The following CXXC4 variants were observed in gnomAD, a reference collection of about 807,000 sequenced individuals.
CXXC4 encodes CXXC-type zinc finger protein 4.
In CXXC4, 5 loss-of-function variants were observed where a neutral mutation model predicts 20.5. The ratio of observed to expected loss-of-function variants is 0.24; its 90% confidence interval spans 0.13 to 0.51. The LOEUF is 0.51. CXXC4 is among the 20% of genes least tolerant of loss of function. CXXC4 has a pLI of 0.97. For missense variants in CXXC4, 419 were observed against 496.4 expected (o/e 0.84, Z 1.48); for synonymous variants, 250 against 216.4 (o/e 1.16, Z -1.36).
chr4:104,484,557 G>A (rs1357103040), intron 2 of CXXC4, among the ~76,000 whole-genome samples: 1 of 151,922 alleles, frequency 6.6e-6, no homozygotes, highest in Non-Finnish European at 1.5e-5. Context: ...GGAAATAAAT[G>A]GGTTAAAGAT....
intron 2 of CXXC4, among the ~76,000 whole-genome samples, chr4:104,487,639 T>G (rs1294708167): frequency 6.6e-6 from 1 of 152,218 alleles, no homozygotes; most frequent in Non-Finnish European, 1.5e-5. Flanking sequence ...TAAAACAGTT[T>G]TTGTCACACA....
intron 2 of CXXC4, among the ~76,000 whole-genome samples, chr4:104,484,932 T>G (rs764118753): frequency 6.6e-6 from 1 of 151,956 alleles, no homozygotes; most frequent in Admixed American, 6.6e-5. Flanking sequence ...AAAATCACCC[T>G]TATGCCCCTC....
In CXXC4 at chr4:104,468,925, C is replaced by T. The variant is rs1367396391; in HGVS notation, c.*3397G>A. On this transcript the variant is annotated 3_prime_UTR_variant, in exon 3 of 3. Coordinates refer to ENST00000394767, the MANE Select transcript of CXXC4 (RefSeq NM_025212.4). ...AGCATTAATTGCACAACTTACATAT[C>T]AGGGTTTCTGATTGAAAGGAAGAGA... 2 of 151,948 alleles carry T rather than the reference C, an allele frequency of 1.3e-5. No homozygotes were observed. The highest frequency in any genetic ancestry group is 1.3e-4 in the Admixed American group (2 of 15,224). The allele number at this position is 151,948 out of a possible 1,614,324, so 9.4% of individuals were successfully genotyped here.
At position 104,484,145 on chromosome 4, in the gene CXXC4, T is replaced by C. The variant is rs145599438; in HGVS notation, c.1059+6599A>G. 3.9e-3 allele frequency among the ~76,000 whole-genome samples: 591 copies of C among 152,104 alleles called. 5 individuals carry two copies. Among genetic ancestry groups the C allele is most frequent in the African/African-American group, 0.014 (566 of 41,548 alleles). On this transcript the variant is annotated intron_variant, in intron 2 of 2. Coordinates refer to ENST00000394767, the MANE Select transcript of CXXC4 (RefSeq NM_025212.4). ...ACAGTTGCCTTATTCTCCATTTCCA[T>C]TGAGGTTTTAAAATTGGACTGAGAA... is the stretch of plus-strand genomic sequence containing the variant.
In CXXC4 at chr4:104,470,963, G is replaced by C. The variant is rs1006957468; in HGVS notation, c.*1359C>G. 5.9e-5 allele frequency: 9 copies of C among 151,988 alleles called. No individual in the cohort carries two copies. Among genetic ancestry groups the C allele is most frequent in the South Asian group, 2.1e-4 (1 of 4,822 alleles). The allele number at this position is 151,988 out of a possible 1,614,324, so 9.4% of individuals were successfully genotyped here. On this transcript the variant is annotated 3_prime_UTR_variant, in exon 3 of 3. Transcript: ENST00000394767. ...TTAGATCCTTTGTGTGTAGGTTGTG[G>C]GGGGAGGGGTATGTCATGCATTTAT...
At chr4:104,473,860 A>AG (rs1428870557) in intron 2 of CXXC4, among the ~76,000 whole-genome samples, 48 of 152,036 alleles carry the variant, frequency 3.2e-4, no homozygotes, top group Non-Finnish European at 6.2e-4. Flanking sequence ...CTAATAATTG[A>AG]GGTTAGCTCT....
chr4:104,476,748 A>C lies in CXXC4; in HGVS notation c.1060-4382T>G, dbSNP rs559151875. The stretch of plus-strand genomic sequence containing the variant: ...CCTAGGCCTTCAAAATTCTACTGTG[A>C]AACAAAATGGCTCTCATGATTTCCA... On this transcript the variant is annotated intron_variant, in intron 2 of 2. Coordinates refer to ENST00000394767, the MANE Select transcript of CXXC4 (RefSeq NM_025212.4). Among the ~76,000 whole-genome samples the C allele has an allele frequency of 4.6e-5, 7 of 152,302 alleles. No individual in the cohort carries two copies. The South Asian group carries it at 1.5e-3, about 32-fold the overall frequency.
At chr4:104,493,357 T>C (rs1453717158) in intron 1 of CXXC4, among the ~76,000 whole-genome samples, 2 of 152,158 alleles carry the variant, frequency 1.3e-5, no homozygotes, top group Non-Finnish European at 2.9e-5. Context: ...CATAGATTGG[T>C]CTAGAATGCA....
Position 104,483,727 on chromosome 4 carries a change from C to T in CXXC4, c.1059+7017G>A, listed in dbSNP as rs192262748. Among the ~76,000 whole-genome samples the T allele has an allele frequency of 2.8e-4, 42 of 151,906 alleles. No homozygotes were observed. In the East Asian group the frequency reaches 3.3e-3, roughly 12 times the overall value. On this transcript the variant is annotated intron_variant, in intron 2 of 2. Coordinates refer to ENST00000394767, the MANE Select transcript of CXXC4 (RefSeq NM_025212.4). The stretch of plus-strand genomic sequence containing the variant: ...CCTCACAAATTCACATTTAGAATAT[C>T]TCTGTGTCTTGGAAAAAAAAGTCAA...
intron 2 of CXXC4, among the ~76,000 whole-genome samples, chr4:104,482,427 G>A (rs1045734406): frequency 6.6e-6 from 1 of 152,124 alleles, no homozygotes; most frequent in African/African-American, 2.4e-5. Flanking sequence ...ACTAAAGGTA[G>A]AGCACACAAA....
chr4:104,486,629 T>A (rs1203349602), intron 2 of CXXC4, among the ~76,000 whole-genome samples: 1 of 152,114 alleles, frequency 6.6e-6, no homozygotes, highest in African/African-American at 2.4e-5. Flanking sequence ...AGATGAAAAA[T>A]TGAAAACTCA....
intron 2 of CXXC4, among the ~76,000 whole-genome samples, chr4:104,483,315 C>T (rs932317239): frequency 1.3e-4 from 19 of 151,874 alleles, no homozygotes; most frequent in African/African-American, 4.6e-4. Context: ...ATAATTCCAT[C>T]TTGTCAAAGT....
intron 2 of CXXC4, among the ~76,000 whole-genome samples, chr4:104,479,732 C>T (rs1051654141): frequency 2.0e-5 from 3 of 150,648 alleles, no homozygotes; most frequent in Non-Finnish European, 3.0e-5. Flanking sequence ...TCCCTCTCTC[C>T]CTCCTTCTTT....
rs1041525115 is a variant in CXXC4, at chr4:104,472,022, T to A, written c.*300A>T. The stretch of plus-strand genomic sequence containing the variant: ...TTTTACAGCAGGGGTTTACCCAAAC[T>A]TATTTTTTACAGCCACTTTCAAAAT... On this transcript the variant is annotated 3_prime_UTR_variant, in exon 3 of 3. Coordinates refer to ENST00000394767, the MANE Select transcript of CXXC4 (RefSeq NM_025212.4). 4.0e-6 allele frequency: 1 copy of A among 247,158 alleles called. No homozygotes were observed. Among genetic ancestry groups the A allele is most frequent in the African/African-American group, 2.2e-5 (1 of 44,500 alleles). The allele number at this position is 247,158 out of a possible 1,614,324, so 15.3% of individuals were successfully genotyped here.
In CXXC4 at chr4:104,471,408, T is replaced by A. The variant is rs1387340396; in HGVS notation, c.*914A>T. The A allele has an allele frequency of 6.6e-6, 1 of 152,028 alleles. No individual in the cohort carries two copies. 9.4% of individuals were successfully genotyped at this position (152,028 alleles called of 1,614,324 possible). On this transcript the variant is annotated 3_prime_UTR_variant, in exon 3 of 3. Coordinates refer to ENST00000394767, the MANE Select transcript of CXXC4 (RefSeq NM_025212.4). ...TAAATTTTCCCCTCCTAAGATATGA[T>A]ACTTTATTCTTTAGCCTAAAAAACA...
In CXXC4 at chr4:104,491,445, C is replaced by T. The variant is rs1736869745; in HGVS notation, c.358G>A (p.Gly120Ser). The change falls in exon 2 of 3, where the codon GGC (glycine) becomes AGC (serine). Residue 120 changes from glycine to serine, a missense_variant. Physicochemically the swap from Gly to Ser is moderately conservative, Grantham distance 56 (BLOSUM62 0). Around this residue, in one of 3 missense-constraint regions of CXXC4, gnomAD observed 388 missense variants for 416.0 expected, o/e 0.93. Transcript: ENST00000394767. ...CCCCCGCCTCCGCCGCCGCCGCCGC[C>T]GCCGCCACCCCCCCCGCCGCCGCCC... is the stretch of plus-strand genomic sequence containing the variant. ...GGGGGGGGGGGGGGGGGGGGG... is the reference protein window; with the variant it reads ...GGGGGGGGGGSGGGGGGGGGG... 3.1e-6 allele frequency: 3 copies of T among 964,690 alleles called. No individual in the cohort carries two copies. Among genetic ancestry groups the T allele is most frequent in the Non-Finnish European group, 1.3e-6 (1 of 779,608 alleles). The allele number at this position is 964,690 out of a possible 1,614,324, so 59.8% of individuals were successfully genotyped here.
rs980342419 is a variant in CXXC4, at chr4:104,471,422, G to A, written c.*900C>T. The A allele has an allele frequency of 2.6e-5, 4 of 151,774 alleles. No homozygotes were observed. Among genetic ancestry groups the A allele is most frequent in the African/African-American group, 9.7e-5 (4 of 41,338 alleles). The allele number at this position is 151,774 out of a possible 1,614,324, so 9.4% of individuals were successfully genotyped here. On this transcript the variant is annotated 3_prime_UTR_variant, in exon 3 of 3. Transcript: ENST00000394767. ...CTAAGATATGATACTTTATTCTTTA[G>A]CCTAAAAAACACCGTTTTTATAAAA...
chr4:104,493,048 A>AG (rs10633436), intron 1 of CXXC4, among the ~76,000 whole-genome samples: 7,974 of 132,294 alleles, frequency 0.06, 661 homozygotes, highest in African/African-American at 0.19. Context: ...ATTGAGTAAA[A>AG]GGGGGGGGGG....
chr4:104,488,088 T>A (rs752293660), intron 2 of CXXC4, among the ~76,000 whole-genome samples: 1 of 152,206 alleles, frequency 6.6e-6, no homozygotes, highest in Admixed American at 6.5e-5. Context: ...ATGTTATTAT[T>A]ATGATCCAGA....
Sources: gnomAD v4.1 joint callset for allele counts (sites outside exome capture counted in the v4.1 genomes callset) on GRCh38, gnomAD v4.1.1 for gene constraint, gnomAD v4.1.1 regional missense constraint, MANE v1.5 for transcripts, NCBI Gene and HGNC (gene_info 2026-07-23, HGNC 2026-07-21) for gene names.